PCDHGA6: variants seen among roughly 807,000 people sequenced by gnomAD.
PCDHGA6 encodes protocadherin gamma subfamily A, 6, also known as protocadherin gamma-A6.
PCDHGA6 carries 41 observed loss-of-function variants against 60.6 expected under a neutral mutation model. That is an observed-to-expected ratio of 0.68 (90% CI 0.53 to 0.88). The LOEUF (loss-of-function observed/expected upper bound fraction) is 0.88. Ranked by LOEUF, PCDHGA6 falls within the 40% of genes least tolerant of loss-of-function variation. PCDHGA6 has a pLI of 0.00. For synonymous variants in PCDHGA6, 594 were observed against 524.4 expected (o/e 1.13, Z -1.81); for missense variants, 1,312 against 1,203.0 (o/e 1.09, Z -1.34).
At chr5:141,447,623 C>G (rs940221130) in intron 1 of PCDHGA6, among the ~76,000 whole-genome samples, 1 of 152,042 alleles carries the variant, frequency 6.6e-6, no homozygotes, top group African/African-American at 2.4e-5. Flanking sequence ...AAAGTTGAAA[C>G]CAACAGTATG....
chr5:141,412,554 C>T (rs2095562022), intron 1 of PCDHGA6: 1 of 152,094 alleles, frequency 6.6e-6, no homozygotes, highest in Non-Finnish European at 1.5e-5. Context: ...TGAATTATCT[C>T]ATGAGTTTAT....
At chr5:141,402,212 A>C (rs1282581389) in intron 1 of PCDHGA6, among the ~76,000 whole-genome samples, 1 of 152,138 alleles carries the variant, frequency 6.6e-6, no homozygotes, top group Non-Finnish European at 1.5e-5. Flanking sequence ...ACAAAAATTT[A>C]AAATAAACGT....
At chr5:141,462,990 A>G (rs181384059) in intron 1 of PCDHGA6, among the ~76,000 whole-genome samples, 1 of 152,126 alleles carries the variant, frequency 6.6e-6, no homozygotes, top group Non-Finnish European at 1.5e-5. Flanking sequence ...GCCTTGGGCT[A>G]ATTTAGACCT....
At chr5:141,395,067 AC>A (rs1479370833) in intron 1 of PCDHGA6, 1 of 1,613,888 alleles carries the variant, frequency 6.2e-7, no homozygotes, top group African/African-American at 1.3e-5. Flanking sequence ...TTTCCTGCAG[AC>A]CTATTCCCAG....
chr5:141,451,212 G>A (rs2098710632), intron 1 of PCDHGA6, among the ~76,000 whole-genome samples: 1 of 152,156 alleles, frequency 6.6e-6, no homozygotes, highest in Non-Finnish European at 1.5e-5. Context: ...AAACTTAGTG[G>A]CTTAAAAGAA....
chr5:141,387,766 T>G, intron 1 of PCDHGA6: 1 of 1,434,120 alleles, frequency 7.0e-7, no homozygotes, highest in Non-Finnish European at 9.3e-7. Context: ...AAAGAAGAAT[T>G]TTTTCTTGAA....
rs1372368815 is a variant in PCDHGA6 at position 141,491,370 on chromosome 5, C to T, written c.2425-3437C>T. 3 of 1,614,038 alleles carry T rather than the reference C, an allele frequency of 1.9e-6. No individual in the cohort carries two copies. The highest frequency in any genetic ancestry group is 2.2e-5 in the East Asian group (1 of 44,880). ...GTCTCTTATCCCTAGTCACCTTCAC[C>T]TTTCTGTCAGCGAAGTGCCTTCAGG... On this transcript the variant is annotated intron_variant, in intron 1 of 3. Transcript: ENST00000517434. The surrounding 1 kb of genome is among the most constrained non-coding windows in gnomAD (Gnocchi z 6.9).
In PCDHGA6 at chr5:141,491,908, G is replaced by T; in HGVS notation, c.2425-2899G>T. ...GGGGCTCCGAGCACCGGGGGTGGTG[G>T]CGACTGTGGGCGAGGGGAGGTGGGA... On this transcript the variant is annotated intron_variant, in intron 1 of 3. Transcript: ENST00000517434. The surrounding 1 kb of genome is among the most constrained non-coding windows in gnomAD (Gnocchi z 6.9). 7.1e-7 allele frequency: 1 copy of T among 1,408,288 alleles called. No homozygotes were observed. Among genetic ancestry groups the T allele is most frequent in the Non-Finnish European group, 9.4e-7 (1 of 1,060,836 alleles). The allele number at this position is 1,408,288 out of a possible 1,614,324, so 87.2% of individuals were successfully genotyped here. A position where few individuals can be genotyped will look rare whatever the true frequency, so the allele number is the denominator to read the frequency against.
In PCDHGA6 at chr5:141,490,801, A is replaced by G; in HGVS notation, c.2425-4006A>G. On this transcript the variant is annotated intron_variant, in intron 1 of 3. Transcript: ENST00000517434. The surrounding 1 kb of genome is among the most constrained non-coding windows in gnomAD (Gnocchi z 5.4). ...GGATGGACGGATCTTTGCCCAGCGT[A>G]CCTTTGACTATGAATTGCTGCAGAT... The G allele has an allele frequency of 6.2e-7, 1 of 1,613,854 alleles. No homozygotes were observed. Among genetic ancestry groups the G allele is most frequent in the African/African-American group, 1.3e-5 (1 of 75,042 alleles).
At chr5:141,390,867 CGT>C (rs61319619) in intron 1 of PCDHGA6, 8,912 of 150,888 alleles carry the variant, frequency 0.059, 387 homozygotes, top group African/African-American at 0.12. Context: ...GCTGTGTGTG[CGT>C]GTGTGTGTGT....
Position 141,431,529 on chromosome 5 carries a change from T to G in PCDHGA6, c.2424+55022T>G, listed in dbSNP as rs145601545. The G allele has an allele frequency of 2.5e-6, 4 of 1,614,074 alleles. No homozygotes were observed. The highest frequency in any genetic ancestry group is 3.4e-6 in the Non-Finnish European group (4 of 1,180,030). ...GCGAGCGTTCCGGAGAATCTGGCCT[T>G]GGGCACGCAGCTGCTTGTAGTCAAC... On this transcript the variant is annotated intron_variant, in intron 1 of 3. Coordinates refer to ENST00000517434, the MANE Select transcript of PCDHGA6 (RefSeq NM_018919.3). The surrounding 1 kb of genome is among the most constrained non-coding windows in gnomAD (Gnocchi z 4.8).
At position 141,374,357 on chromosome 5, in the gene PCDHGA6, CGCGAGGAGCTCTGT is replaced by C. The variant is rs1770415063; in HGVS notation, c.277_290del (p.Glu93SerfsTer10). On this transcript the variant is annotated frameshift_variant, in exon 1 of 4. Coordinates refer to ENST00000517434, the MANE Select transcript of PCDHGA6 (RefSeq NM_018919.3). LOFTEE classifies it high-confidence loss of function. ...CTTGGTCACCGCGGGTAGGATAGAC[CGCGAGGAGCTCTGT>C]GCTCAGAGCCCGCGGTGTCTGGTGA... 2 of 1,613,900 alleles carry C rather than the reference CGCGAGGAGCTCTGT, an allele frequency of 1.2e-6. No individual in the cohort carries two copies. Among genetic ancestry groups the C allele is most frequent in the Non-Finnish European group, 1.7e-6 (2 of 1,179,906 alleles).
intron 2 of PCDHGA6, among the ~76,000 whole-genome samples, chr5:141,505,145 G>A (rs540889707): frequency 1.3e-5 from 2 of 152,288 alleles, no homozygotes; most frequent in East Asian, 3.9e-4. Flanking sequence ...CTGGATGACA[G>A]AGTAAGACCC....
intron 1 of PCDHGA6, chr5:141,404,380 C>T (rs777340976): frequency 1.9e-6 from 3 of 1,613,916 alleles, no homozygotes; most frequent in Non-Finnish European, 2.5e-6. Context: ...CCGTGATTGC[C>T]TATGACCCTG....
chr5:141,458,394 T>A (rs2098944697), intron 1 of PCDHGA6, among the ~76,000 whole-genome samples: 1 of 152,062 alleles, frequency 6.6e-6, no homozygotes, highest in African/African-American at 2.4e-5. Context: ...ACGCTCCCCC[T>A]TGCAGAGACG....
intron 1 of PCDHGA6, chr5:141,422,211 C>G: frequency 6.4e-7 from 1 of 1,563,286 alleles, no homozygotes; most frequent in Non-Finnish European, 8.6e-7. Context: ...GTGGAGGTCT[C>G]TTTACCACCA....
intron 1 of PCDHGA6, chr5:141,478,153 T>G (rs1477175391): frequency 3.1e-6 from 5 of 1,613,934 alleles, no homozygotes; most frequent in Middle Eastern, 1.6e-4. Flanking sequence ...AGTTCCCCTC[T>G]GGCTCTGCCC....
chr5:141,382,917 G>A (rs527482854), intron 1 of PCDHGA6: 1 of 1,555,450 alleles, frequency 6.4e-7, no homozygotes, highest in East Asian at 2.3e-5. Flanking sequence ...CTCAGCCGAG[G>A]GGCGGGGACT....
intron 1 of PCDHGA6, chr5:141,384,793 C>T (rs1780512284): frequency 1.9e-6 from 3 of 1,613,400 alleles, no homozygotes; most frequent in Non-Finnish European, 2.5e-6. Flanking sequence ...GGCTCGGGCC[C>T]TGCTGGACAG....
Sources: allele counts gnomAD v4.1 joint callset (sites outside exome capture counted in the v4.1 genomes callset), GRCh38; gene constraint gnomAD v4.1.1; non-coding constraint Gnocchi (gnomAD v3.1); transcripts MANE v1.5; gene names NCBI Gene and HGNC (gene_info 2026-07-23, HGNC 2026-07-21).